Variants in ABCC4 observed in about 807,000 individuals in gnomAD.
ABCC4 encodes ATP-binding cassette sub-family C member 4.
Under a neutral mutation model 168.5 loss-of-function variants are expected in ABCC4, and 102 were observed. The ratio of observed to expected loss-of-function variants is 0.61; its 90% CI spans 0.52 to 0.71. ABCC4 has a LOEUF of 0.71. Ranked by LOEUF, ABCC4 falls within the 30% of genes least tolerant of loss-of-function variation. The pLI is 0.00. For missense variants in ABCC4, 1,402 were observed against 1,605.8 expected, an observed-to-expected ratio of 0.87 and a Z score of 2.17; for synonymous variants, 617 against 590.7, an observed-to-expected ratio of 1.04 and a Z score of -0.65.
At chr13:95,184,777 T>C (rs1465912161) in intron 11 of ABCC4, among the ~76,000 whole-genome samples, 3 of 152,184 alleles carry the variant, frequency 2.0e-5, no homozygotes, top group East Asian at 3.9e-4. Flanking sequence ...CACCCTTCCA[T>C]TGAAAAATGG....
intron 11 of ABCC4, 28 bp downstream of exon 11, chr13:95,186,673 T>A: frequency 6.3e-7 from 1 of 1,598,360 alleles, no homozygotes; most frequent in Non-Finnish European, 8.5e-7. Flanking sequence ...GACATTCGAG[T>A]ACATGAAATC....
chr13:95,291,111 T>A (rs1190528781), intron 1 of ABCC4, among the ~76,000 whole-genome samples: 1 of 152,052 alleles, frequency 6.6e-6, no homozygotes, highest in East Asian at 1.9e-4. Context: ...CCCAGCATTT[T>A]GGGAGGCCAA....
intron 4 of ABCC4, among the ~76,000 whole-genome samples, chr13:95,222,991 A>C (rs1316370803): frequency 6.6e-6 from 1 of 152,194 alleles, no homozygotes; most frequent in Non-Finnish European, 1.5e-5. Flanking sequence ...CAGGTTGAGC[A>C]CTAAAAAAGA....
intron 7 of ABCC4, 107 bp from the exon 8 acceptor site, chr13:95,206,888 A>G (rs371399800): frequency 2.9e-6 from 4 of 1,356,790 alleles, no homozygotes; most frequent in Non-Finnish European, 4.1e-6. Context: ...AATTGTTTGA[A>G]CCCAGGAGTT....
chr13:95,249,196 G>A (rs901727452), intron 1 of ABCC4, among the ~76,000 whole-genome samples: 1 of 147,958 alleles, frequency 6.8e-6, no homozygotes, highest in South Asian at 2.2e-4. Flanking sequence ...ACCAGCCTGA[G>A]CAGAACAGCA....
chr13:95,066,309 T>G (rs2033542000), intron 25 of ABCC4, among the ~76,000 whole-genome samples: 1 of 152,232 alleles, frequency 6.6e-6, no homozygotes, highest in South Asian at 2.1e-4. Flanking sequence ...CCACACTTAA[T>G]GGCTGTCGTA....
chr13:95,061,301 G>A (rs2033282231), intron 26 of ABCC4, among the ~76,000 whole-genome samples: 1 of 152,126 alleles, frequency 6.6e-6, no homozygotes, highest in South Asian at 2.1e-4. Context: ...TTTCCAAAGT[G>A]GCTGCACCAT....
In ABCC4 at chr13:95,074,232, AC is replaced by A; in HGVS notation, c.2898del (p.Ser967ProfsTer2). On this transcript the variant is annotated frameshift_variant, in exon 23 of 31. Coordinates refer to ENST00000645237, the MANE Select transcript of ABCC4 (RefSeq NM_005845.5). LOFTEE classifies it high-confidence loss of function. ...CAMFVIIVAF[G>X]SLILAKTLDA... ...TACTTACTTTTTGCCAGAATCAGGG[AC>A]CCAAAGGCAACGATGATGACAAACA... The A allele has an allele frequency of 6.2e-7, 1 of 1,613,794 alleles. No individual in the cohort carries two copies.
chr13:95,257,650 G>A (rs753616275), intron 1 of ABCC4, among the ~76,000 whole-genome samples: 11 of 141,200 alleles, frequency 7.8e-5, no homozygotes, highest in East Asian at 2.1e-4. Flanking sequence ...GCAACAGAGT[G>A]AGACTTCATC....
chr13:95,080,029 C>T (rs1165076362), intron 21 of ABCC4, among the ~76,000 whole-genome samples: 1 of 152,132 alleles, frequency 6.6e-6, no homozygotes, highest in African/African-American at 2.4e-5. Context: ...CATTTTTCTC[C>T]AGACTTTGTA....
At chr13:95,070,353 GAGA>G (rs1268669380) in intron 25 of ABCC4, among the ~76,000 whole-genome samples, 5 of 152,188 alleles carry the variant, frequency 3.3e-5, no homozygotes, top group Non-Finnish European at 5.9e-5. Context: ...GGTGCTTGGG[GAGA>G]AGGAGGGCAC....
At chr13:95,064,260 GTATA>G (rs753635232) in intron 25 of ABCC4, among the ~76,000 whole-genome samples, 235 of 21,440 alleles carry the variant, frequency 0.011, no homozygotes, top group Middle Eastern at 0.045. Context: ...GTGTGTGTGT[GTATA>G]TATATATATA....
intron 30 of ABCC4, among the ~76,000 whole-genome samples, chr13:95,034,376 C>A (rs561137702): frequency 1.6e-4 from 25 of 152,342 alleles, no homozygotes. Context: ...ACGGCATGCA[C>A]ACATGTGTGC....
intron 9 of ABCC4, among the ~76,000 whole-genome samples, chr13:95,189,435 A>T (rs879540241): frequency 6.6e-6 from 1 of 152,150 alleles, no homozygotes. Flanking sequence ...TCTTAATATA[A>T]TATTCAGTAT....
At chr13:95,197,101 A>G (rs961807964) in intron 8 of ABCC4, among the ~76,000 whole-genome samples, 1 of 152,186 alleles carries the variant, frequency 6.6e-6, no homozygotes, top group Non-Finnish European at 1.5e-5. Flanking sequence ...TGAGTTATGT[A>G]CAGGGCAGAG....
chr13:95,290,889 C>T (rs1490349007), intron 1 of ABCC4, among the ~76,000 whole-genome samples: 3 of 147,430 alleles, frequency 2.0e-5, no homozygotes, highest in African/African-American at 5.0e-5. Flanking sequence ...CCCAGCTACT[C>T]GGGAGGCTGA....
intron 20 of ABCC4, among the ~76,000 whole-genome samples, chr13:95,104,117 G>GT (rs576830537): frequency 6.6e-6 from 1 of 151,860 alleles, no homozygotes; most frequent in African/African-American, 2.4e-5. Flanking sequence ...TTTGGTTTGG[G>GT]TTTTTTTGTT....
chr13:95,103,455 T>A (rs534273873), intron 20 of ABCC4, among the ~76,000 whole-genome samples: 1 of 152,282 alleles, frequency 6.6e-6, no homozygotes, highest in African/African-American at 2.4e-5. Context: ...CAACTATAAT[T>A]TGACAGGATT....
At chr13:95,179,597 C>T (rs1175003772) in intron 11 of ABCC4, among the ~76,000 whole-genome samples, 1 of 152,214 alleles carries the variant, frequency 6.6e-6, no homozygotes, top group Non-Finnish European at 1.5e-5. Context: ...CAGGACATTA[C>T]ATTAGAAATC....
Sources: gnomAD v4.1 joint callset for allele counts (sites outside exome capture counted in the v4.1 genomes callset) on GRCh38, gnomAD v4.1.1 for gene constraint, MANE v1.5 for transcripts, NCBI Gene and HGNC (gene_info 2026-07-23, HGNC 2026-07-21) for gene names.